The following HMG20A variants were observed in gnomAD, a reference collection of about 807,000 sequenced individuals.
HMG20A encodes high mobility group protein 20A.
In HMG20A, 17 loss-of-function variants were observed where a neutral mutation model predicts 43.9. The ratio of observed to expected loss-of-function variants is 0.39; its 90% CI spans 0.27 to 0.58. The LOEUF (loss-of-function observed/expected upper bound fraction) is 0.58, where lower values mean the gene tolerates loss of function less well. Among genes scored for constraint, HMG20A ranks in the 20% least tolerant of loss-of-function variants. HMG20A has a pLI of 0.59. For missense variants in HMG20A, 341 were observed against 438.2 expected, an observed-to-expected ratio of 0.78 and a Z score of 1.98; for synonymous variants, 132 against 147.5, an observed-to-expected ratio of 0.89 and a Z score of 0.76.
At chr15:77,465,813 A>C (rs908629821) in intron 3 of HMG20A, among the ~76,000 whole-genome samples, 5 of 152,246 alleles carry the variant, frequency 3.3e-5, no homozygotes, top group Admixed American at 2.0e-4. Flanking sequence ...TACTACAATT[A>C]GTATTTAGAT....
intron 1 of HMG20A, among the ~76,000 whole-genome samples, chr15:77,431,877 A>G (rs1280614024): frequency 6.6e-6 from 1 of 152,128 alleles, no homozygotes. Context: ...ATATGAGATC[A>G]TATGGTATTT....
At chr15:77,486,067 A>G (rs1370250637), downstream of HMG20A, among the ~76,000 whole-genome samples, 1 of 152,254 alleles carries the variant, frequency 6.6e-6, no homozygotes, top group Non-Finnish European at 1.5e-5. Context: ...CTACTTCAAA[A>G]TGTATCTTTA....
chr15:77,472,491 G>A (rs558869535), intron 6 of HMG20A, among the ~76,000 whole-genome samples: 1 of 152,320 alleles, frequency 6.6e-6, no homozygotes, highest in African/African-American at 2.4e-5. Context: ...AGCCAGGATG[G>A]TCTCGATCTC....
chr15:77,445,557 C>G (rs1379148879), intron 1 of HMG20A, among the ~76,000 whole-genome samples: 1 of 152,184 alleles, frequency 6.6e-6, no homozygotes, highest in East Asian at 1.9e-4. Flanking sequence ...GTCTTAGCAA[C>G]CTCAGCATTT....
chr15:77,453,216 A>G (rs1297345024), intron 1 of HMG20A, among the ~76,000 whole-genome samples: 1 of 152,192 alleles, frequency 6.6e-6, no homozygotes. Context: ...GGACAACAGA[A>G]TGATACTCTA....
intron 1 of HMG20A, among the ~76,000 whole-genome samples, chr15:77,431,303 C>G (rs1426345177): frequency 6.6e-6 from 1 of 152,144 alleles, no homozygotes; most frequent in African/African-American, 2.4e-5. Context: ...CCTTTGCCTC[C>G]TGTGTTCAAG....
intron 2 of HMG20A, 130 bp from the exon 3 acceptor site, chr15:77,464,110 A>T: frequency 9.9e-7 from 1 of 1,011,128 alleles, no homozygotes; most frequent in Non-Finnish European, 1.4e-6. Flanking sequence ...TACGTTGTTT[A>T]CATTTATACA....
the HMG20A span, among the ~76,000 whole-genome samples, chr15:77,496,096 G>A: frequency 6.6e-6 from 1 of 152,144 alleles, no homozygotes; most frequent in Admixed American, 6.5e-5. Flanking sequence ...CGGAGCCTCA[G>A]CCTGCTTGCC....
At chr15:77,433,543 ATC>A (rs2142280044) in intron 1 of HMG20A, among the ~76,000 whole-genome samples, 1 of 152,278 alleles carries the variant, frequency 6.6e-6, no homozygotes, top group Non-Finnish European at 1.5e-5. Context: ...TTACAGAGCA[ATC>A]TCTTTCGTGA....
chr15:77,432,695 C>T (rs1195067128), intron 1 of HMG20A, among the ~76,000 whole-genome samples: 5 of 140,032 alleles, frequency 3.6e-5, no homozygotes, highest in Non-Finnish European at 7.6e-5. Flanking sequence ...GCACTCCAAC[C>T]TGGGCAACAA....
chr15:77,519,280 A>G, the HMG20A span, among the ~76,000 whole-genome samples: 1 of 152,220 alleles, frequency 6.6e-6, no homozygotes, highest in Non-Finnish European at 1.5e-5. Context: ...GTGCCCTTGA[A>G]GTAGGGAGAC....
chr15:77,488,310 T>C (rs548927805), downstream of HMG20A, among the ~76,000 whole-genome samples: 1 of 152,306 alleles, frequency 6.6e-6, no homozygotes, highest in East Asian at 1.9e-4. Context: ...TAATTCACCC[T>C]TTATTTGGGA....
intron 1 of HMG20A, among the ~76,000 whole-genome samples, chr15:77,425,504 G>T (rs2073417379): frequency 6.6e-6 from 1 of 152,064 alleles, no homozygotes; most frequent in Non-Finnish European, 1.5e-5. Context: ...CTCTCATTTG[G>T]GAGCTTCTTA....
rs535108374 is a variant in HMG20A, at chr15:77,483,101, G to A, written c.*138G>A. 6.6e-6 allele frequency: 1 copy of A among 152,146 alleles called. No homozygotes were observed. Among genetic ancestry groups the A allele is most frequent in the Non-Finnish European group, 1.5e-5 (1 of 68,046 alleles). 9.4% of individuals were successfully genotyped at this position (152,146 alleles called of 1,614,324 possible). The stretch of plus-strand genomic sequence containing the variant: ...TTGCTTGTGAAAGAATTATCAGTGA[G>A]TGAAAGGCCATCACCCCAGGAAGCC... On this transcript the variant is annotated 3_prime_UTR_variant, in exon 10 of 10. Coordinates refer to ENST00000336216, the MANE Select transcript of HMG20A (RefSeq NM_001304504.2).
intron 1 of HMG20A, among the ~76,000 whole-genome samples, chr15:77,451,361 A>T (rs1280815117): frequency 1.3e-5 from 2 of 152,072 alleles, no homozygotes; most frequent in African/African-American, 4.8e-5. Flanking sequence ...AAATGTCTGT[A>T]CTGTTTTGTA....
At position 77,459,524 on chromosome 15, in the gene HMG20A, G is replaced by A. The variant is rs1441160907; in HGVS notation, c.89+1028G>A. On this transcript the variant is annotated intron_variant, in intron 2 of 9. Transcript: ENST00000336216. ...GGAGAAAAGGGATAGGAAGGGTTTGGGGATGCAGTTTTAGACAGGATGGGC... is the reference window on the plus strand; with the variant it reads ...GGAGAAAAGGGATAGGAAGGGTTTGAGGATGCAGTTTTAGACAGGATGGGC... 4.6e-5 allele frequency among the ~76,000 whole-genome samples: 7 copies of A among 152,170 alleles called. No individual in the cohort carries two copies. The East Asian group carries it at 1.3e-3, about 29-fold the overall frequency.
intron 1 of HMG20A, among the ~76,000 whole-genome samples, chr15:77,422,246 GAAGT>G (rs944064279): frequency 6.6e-6 from 1 of 152,130 alleles, no homozygotes; most frequent in African/African-American, 2.4e-5. Flanking sequence ...AAGAATTTTT[GAAGT>G]AATAAGGCCT....
the HMG20A span, among the ~76,000 whole-genome samples, chr15:77,518,843 G>C: frequency 6.6e-6 from 1 of 152,196 alleles, no homozygotes; most frequent in Non-Finnish European, 1.5e-5. Flanking sequence ...TCCTTTGGGG[G>C]TGCTGTACTT....
chr15:77,461,678 A>C (rs2072706431), intron 2 of HMG20A, among the ~76,000 whole-genome samples: 1 of 152,148 alleles, frequency 6.6e-6, no homozygotes, highest in Non-Finnish European at 1.5e-5. Context: ...GATTCATGGG[A>C]TTGTGAATTC....
Sources: gnomAD v4.1 joint callset for allele counts (sites outside exome capture counted in the v4.1 genomes callset) on GRCh38, gnomAD v4.1.1 for gene constraint, MANE v1.5 for transcripts, NCBI Gene and HGNC (gene_info 2026-07-23, HGNC 2026-07-21) for gene names.